The following CLEC3A variants were observed in gnomAD, a reference collection of about 807,000 sequenced individuals.
The protein encoded by CLEC3A is C-type (calcium dependent, carbohydrate-recognition domain) lectin, superfamily member 1 (cartilage-derived).
A neutral mutation model predicts 20.4 loss-of-function variants in CLEC3A; 28 were observed. The observed-to-expected ratio is 1.37, with a 90% CI of 1.02 to 1.88. The LOEUF is 1.88. Among genes scored for constraint, CLEC3A ranks in the 40% most tolerant of loss-of-function variants. The probability of loss-of-function intolerance (pLI) is 0.00; values close to 1 mark genes in which losing one functional copy is unlikely to be tolerated. For missense variants in CLEC3A, 357 were observed against 240.4 expected (o/e 1.48, Z -3.21); for synonymous variants, 110 against 88.1 (o/e 1.25, Z -1.39).
chr16:78,030,934 TA>T lies in CLEC3A; in HGVS notation c.*99del. 2 of 1,384,588 alleles carry T rather than the reference TA, an allele frequency of 1.4e-6. No homozygotes were observed. 85.8% of individuals were successfully genotyped at this position (1,384,588 alleles called of 1,614,324 possible). On this transcript the variant is annotated 3_prime_UTR_variant, in exon 3 of 3. Transcript: ENST00000299642. Reference sequence around the variant, plus strand: ...AGTAAAAATCATAATTTTTACTTATTAAAAAATTGCAACACAAGATCAATGT... The same window carrying T: ...AGTAAAAATCATAATTTTTACTTATTAAAAATTGCAACACAAGATCAATGT...
intron 2 of CLEC3A, among the ~76,000 whole-genome samples, chr16:78,029,451 C>G (rs2030020123): frequency 6.6e-6 from 1 of 152,128 alleles, no homozygotes; most frequent in South Asian, 2.1e-4. Flanking sequence ...TCACTGCAAC[C>G]TCTGCCTCCC....
At chr16:78,029,149 T>A (rs1376051087) in intron 2 of CLEC3A, 2 of 455,844 alleles carry the variant, frequency 4.4e-6, no homozygotes, top group Non-Finnish European at 8.8e-6. Context: ...ACAAAGAAGG[T>A]AAGTAATTTG....
chr16:78,025,391 G>A (rs2018799201), intron 1 of CLEC3A, among the ~76,000 whole-genome samples: 1 of 152,242 alleles, frequency 6.6e-6, no homozygotes, highest in African/African-American at 2.4e-5. Flanking sequence ...AGGATGTTAT[G>A]AGACATTTCC....
In CLEC3A at chr16:78,030,723, C is replaced by T; in HGVS notation, c.476C>T (p.Pro159Leu). Reference sequence around the variant, plus strand: ...TTCCTCAACTGGGACCGTGCACAGCCTAACGGTGGCAAGCGAGAAAACTGT... The same window carrying T: ...TTCCTCAACTGGGACCGTGCACAGCTTAACGGTGGCAAGCGAGAAAACTGT... ...ISFLNWDRAQ[P>L]NGGKRENCVL... The change falls in exon 3 of 3, where the codon CCT becomes CTT. Residue 159 changes from proline to leucine, a missense_variant. Coordinates refer to ENST00000299642, the MANE Select transcript of CLEC3A (RefSeq NM_005752.6). 1 of 1,614,138 alleles carries T rather than the reference C, an allele frequency of 6.2e-7. No individual in the cohort carries two copies. The highest frequency in any genetic ancestry group is 1.3e-5 in the African/African-American group (1 of 75,030).
rs199889443 is a variant in CLEC3A at position 78,030,417 on chromosome 16, C to G, written c.200-30C>G. The G allele has an allele frequency of 1.5e-5, 23 of 1,552,980 alleles. No homozygotes were observed. The African/African-American group carries it at 2.3e-4, about 16-fold the overall frequency. ...TAGTCATAATACACTCAAAATGCAT[C>G]TTAATATGTTACACTTCACATCTTC... On this transcript the variant is annotated intron_variant, in intron 2 of 2. Coordinates refer to ENST00000299642, the MANE Select transcript of CLEC3A (RefSeq NM_005752.6).
In CLEC3A at chr16:78,031,736, G is replaced by A. The variant is rs886891433; in HGVS notation, c.*895G>A. ...TTATTTTTTTTAGCCATCATTATAT[G>A]TTTAAGTCTATTATGGGCAACCAAT... On this transcript the variant is annotated 3_prime_UTR_variant, in exon 3 of 3. Coordinates refer to ENST00000299642, the MANE Select transcript of CLEC3A (RefSeq NM_005752.6). 6.6e-6 allele frequency: 1 copy of A among 151,906 alleles called. No individual in the cohort carries two copies. Among genetic ancestry groups the A allele is most frequent in the Non-Finnish European group, 1.5e-5 (1 of 68,010 alleles). The allele number at this position is 151,906 out of a possible 1,614,324, so 9.4% of individuals were successfully genotyped here. A position where few individuals can be genotyped will look rare whatever the true frequency, so the allele number is the denominator to read the frequency against.
rs141071894 is a variant in CLEC3A at position 78,030,443 on chromosome 16, A to G, written c.200-4A>G. Reference sequence around the variant, plus strand: ...TTAATATGTTACACTTCACATCTTCACAGTCTGTCTCCGAGGCACTAAAGT... The same window carrying G: ...TTAATATGTTACACTTCACATCTTCGCAGTCTGTCTCCGAGGCACTAAAGT... On this transcript the variant is annotated splice_polypyrimidine_tract_variant and splice_region_variant and intron_variant, in intron 2 of 2. Coordinates refer to ENST00000299642, the MANE Select transcript of CLEC3A (RefSeq NM_005752.6). The G allele has an allele frequency of 1.9e-6, 3 of 1,590,042 alleles. No homozygotes were observed. In the East Asian group the frequency reaches 6.7e-5, roughly 36 times the overall value.
chr16:78,028,129 T>A lies in CLEC3A; in HGVS notation c.138T>A (p.Thr46=). The change falls in exon 2 of 3, where the codon ACT becomes ACA. Residue 46 remains threonine, a synonymous_variant. Coordinates refer to ENST00000299642, the MANE Select transcript of CLEC3A (RefSeq NM_005752.6). ...RVRDKDGDLK[T]QIEKLWTEVN... is the part of the protein sequence containing the mutation. ...CAGACAAGGATGGAGATCTGAAGAC[T>A]CAAATTGAAAAGCTCTGGACAGAAG... 1 of 1,611,932 alleles carries A rather than the reference T, an allele frequency of 6.2e-7. No individual in the cohort carries two copies. Among genetic ancestry groups the A allele is most frequent in the Non-Finnish European group, 8.5e-7 (1 of 1,179,562 alleles).
intron 2 of CLEC3A, among the ~76,000 whole-genome samples, chr16:78,028,914 C>T (rs1450268464): frequency 1.3e-5 from 2 of 152,210 alleles, no homozygotes; most frequent in Admixed American, 1.3e-4. Context: ...ATTTTTACCA[C>T]AAGCAATGTT....
intron 1 of CLEC3A, 114 bp from the exon 2 acceptor site, chr16:78,027,993 G>A (rs1368516252): frequency 7.9e-6 from 6 of 762,010 alleles, no homozygotes; most frequent in South Asian, 4.6e-5. Context: ...TATACACTGG[G>A]CTCAGGTTCA....
rs142093186 is a variant in CLEC3A, at chr16:78,023,592, A to C, written c.115+851A>C. On this transcript the variant is annotated intron_variant, in intron 1 of 2. Transcript: ENST00000299642. Reference sequence around the variant, plus strand: ...AGATTATGACTATTTCCTTATTTTCACTCCATTAGTAACAACACACACATA... The same window carrying C: ...AGATTATGACTATTTCCTTATTTTCCCTCCATTAGTAACAACACACACATA... Among the ~76,000 whole-genome samples, 483 of 152,108 alleles carry C rather than the reference A, an allele frequency of 3.2e-3. 1 individual carries two copies. Among genetic ancestry groups the C allele is most frequent in the African/African-American group, 0.011 (459 of 41,478 alleles).
chr16:78,026,305 G>C (rs1031826442), intron 1 of CLEC3A, among the ~76,000 whole-genome samples: 1 of 152,162 alleles, frequency 6.6e-6, no homozygotes, highest in Admixed American at 6.6e-5. Context: ...ATTTTAGACT[G>C]TCCTGAAAAA....
chr16:78,025,410 A>G (rs2018799352), intron 1 of CLEC3A, among the ~76,000 whole-genome samples: 1 of 152,158 alleles, frequency 6.6e-6, no homozygotes, highest in Admixed American at 6.5e-5. Flanking sequence ...CCAGAAGTAA[A>G]ATTGCAGGTT....
At position 78,025,313 on chromosome 16, in the gene CLEC3A, C is replaced by T. The variant is rs768835106; in HGVS notation, c.115+2572C>T. Reference sequence around the variant, plus strand: ...TGGGTCATCACTTAATCTGATCTCTCCCAATACATCTCTTTTTGATTCAAT... The same window carrying T: ...TGGGTCATCACTTAATCTGATCTCTTCCAATACATCTCTTTTTGATTCAAT... On this transcript the variant is annotated intron_variant, in intron 1 of 2. Coordinates refer to ENST00000299642, the MANE Select transcript of CLEC3A (RefSeq NM_005752.6). Among the ~76,000 whole-genome samples, 75 of 152,160 alleles carry T rather than the reference C, an allele frequency of 4.9e-4. 1 individual carries two copies. The highest frequency in any genetic ancestry group is 1.0e-3 in the Non-Finnish European group (71 of 68,034).
At chr16:78,030,232 G>T (rs1186475591) in intron 2 of CLEC3A, among the ~76,000 whole-genome samples, 3 of 151,816 alleles carry the variant, frequency 2.0e-5, no homozygotes, top group Non-Finnish European at 2.9e-5. Context: ...GTAAAAATAG[G>T]GGTAATAAAA....
At chr16:78,028,846 G>C (rs1044997619) in intron 2 of CLEC3A, among the ~76,000 whole-genome samples, 14 of 152,326 alleles carry the variant, frequency 9.2e-5, no homozygotes, top group African/African-American at 3.4e-4. Context: ...CTGAAGTTAC[G>C]GCTTTCCATC....
intron 1 of CLEC3A, among the ~76,000 whole-genome samples, chr16:78,025,947 A>G (rs2029906311): frequency 6.6e-6 from 1 of 152,234 alleles, no homozygotes; most frequent in Non-Finnish European, 1.5e-5. Context: ...AGAATGGAGC[A>G]GGAAGCTGAG....
chr16:78,023,210 A>G (rs892336096), intron 1 of CLEC3A, among the ~76,000 whole-genome samples: 1 of 152,204 alleles, frequency 6.6e-6, no homozygotes, highest in African/African-American at 2.4e-5. Context: ...GGTAATGGTG[A>G]CTTCCTGTTT....
intron 1 of CLEC3A, among the ~76,000 whole-genome samples, chr16:78,024,607 T>C (rs1009465986): frequency 6.6e-6 from 1 of 152,210 alleles, no homozygotes; most frequent in African/African-American, 2.4e-5. Context: ...AGAAAGTAGA[T>C]TCTACAGTAG....
Sources: gnomAD v4.1 joint callset for allele counts (sites outside exome capture counted in the v4.1 genomes callset) on GRCh38, gnomAD v4.1.1 for gene constraint, MANE v1.5 for transcripts, NCBI Gene and HGNC (gene_info 2026-07-23, HGNC 2026-07-21) for gene names.